Variants in RBM19 observed in about 807,000 individuals in gnomAD.
The protein encoded by RBM19 is probable RNA-binding protein 19.
RBM19 carries 94 observed loss-of-function variants against 116.8 expected under a neutral mutation model. The ratio of observed to expected loss-of-function variants is 0.80; its 90% CI spans 0.68 to 0.95. The LOEUF (loss-of-function observed/expected upper bound fraction) is 0.95. Among genes scored for constraint, RBM19 ranks in the 40% least tolerant of loss-of-function variants. RBM19 has a pLI of 0.00. For synonymous variants in RBM19, 475 were observed against 494.1 expected, an observed-to-expected ratio of 0.96 and a Z score of 0.51; for missense variants, 1,161 against 1,220.7, an observed-to-expected ratio of 0.95 and a Z score of 0.73.
intron 16 of RBM19, among the ~76,000 whole-genome samples, chr12:113,935,884 A>C (rs541371507): frequency 1.3e-5 from 2 of 152,120 alleles, no homozygotes; most frequent in Non-Finnish European, 2.9e-5. Flanking sequence ...AAATACAAAA[A>C]AATTAGCCAG....
At chr12:113,939,905 A>G in intron 15 of RBM19, 55 bp downstream of exon 15, 1 of 1,581,254 alleles carries the variant, frequency 6.3e-7, no homozygotes. Context: ...CTCTCCCTTG[A>G]AGCAGCCCTC....
chr12:113,840,069 A>T (rs1042358998), intron 23 of RBM19, among the ~76,000 whole-genome samples: 7 of 151,432 alleles, frequency 4.6e-5, no homozygotes, highest in African/African-American at 1.7e-4. Context: ...TGCAATTACC[A>T]GGCGTTCCCA....
rs57704604 is a variant in RBM19, at chr12:113,861,474, CTGTGTGTGTG to C, written c.2559-2588_2559-2579del. ...GCCCAGATTTCTGGTAAGCCAGACT[CTGTGTGTGTG>C]TGTGTGTGTGTGTGTGTGTGTGTGT... On this transcript the variant is annotated intron_variant, in intron 21 of 23. Transcript: ENST00000261741. 3.7e-3 allele frequency among the ~76,000 whole-genome samples: 474 copies of C among 126,502 alleles called. 4 individuals are homozygous for C. Among genetic ancestry groups the C allele is most frequent in the Middle Eastern group, 8.1e-3 (2 of 248 alleles). The allele number at this position is 126,502 out of a possible 152,430, so 83.0% of individuals were successfully genotyped here.
intron 10 of RBM19, among the ~76,000 whole-genome samples, chr12:113,948,456 T>C (rs1489768004): frequency 6.6e-6 from 1 of 152,182 alleles, no homozygotes; most frequent in Non-Finnish European, 1.5e-5. Flanking sequence ...CGTGTAGGTA[T>C]ATTCATCAGG....
intron 16 of RBM19, among the ~76,000 whole-genome samples, chr12:113,928,975 C>T (rs930282393): frequency 6.6e-6 from 1 of 152,074 alleles, no homozygotes; most frequent in Non-Finnish European, 1.5e-5. Flanking sequence ...TGTGCCTTCA[C>T]ACCCCTCACC....
chr12:113,946,042 T>C (rs1870991729), intron 12 of RBM19, 118 bp from the exon 13 acceptor site: 1 of 962,194 alleles, frequency 1.0e-6, no homozygotes, highest in Non-Finnish European at 1.6e-6. Flanking sequence ...ATGCCCCCAA[T>C]TTCCCTATCA....
chr12:113,927,236 C>A lies in RBM19; in HGVS notation c.2069-7G>T, dbSNP rs1483650994. The A allele has an allele frequency of 6.5e-7, 1 of 1,547,830 alleles. No homozygotes were observed. The highest frequency in any genetic ancestry group is 1.2e-5 in the South Asian group (1 of 83,272). ...GGGGTTTCGCCATCAGGCACTGAAC[C>A]CCCATCAAAACAAAAACAAAAACAA... On this transcript the variant is annotated splice_polypyrimidine_tract_variant and splice_region_variant and intron_variant, in intron 16 of 23. Transcript: ENST00000261741.
intron 22 of RBM19, among the ~76,000 whole-genome samples, chr12:113,856,820 A>G (rs1490058822): frequency 2.0e-5 from 3 of 152,184 alleles, no homozygotes; most frequent in African/African-American, 7.2e-5. Context: ...GCCCTGTTCT[A>G]AATTATCACC....
intron 21 of RBM19, among the ~76,000 whole-genome samples, chr12:113,860,202 G>A (rs1199377474): frequency 6.6e-6 from 1 of 152,232 alleles, no homozygotes; most frequent in Non-Finnish European, 1.5e-5. Context: ...CGTGGGGAGT[G>A]GAGCCCGGTC....
intron 21 of RBM19, among the ~76,000 whole-genome samples, chr12:113,873,025 C>T (rs1593515618): frequency 2.4e-5 from 3 of 122,672 alleles, no homozygotes; most frequent in African/African-American, 8.7e-5. Flanking sequence ...AGCCCCTCTG[C>T]CCGGCCAGCC....
Position 113,966,309 on chromosome 12 carries a change from G to A in RBM19, c.-82C>T. 3.8e-6 allele frequency: 6 copies of A among 1,572,476 alleles called. No individual in the cohort carries two copies. Among genetic ancestry groups the A allele is most frequent in the South Asian group, 1.1e-5 (1 of 89,956 alleles). ...GTTTCACGCTACCGCCCTGGGCGCCGCCATCTTTACCGAGCCGGAACACAG... is the reference window on the plus strand; with the variant it reads ...GTTTCACGCTACCGCCCTGGGCGCCACCATCTTTACCGAGCCGGAACACAG... On this transcript the variant is annotated 5_prime_UTR_variant, in exon 1 of 24. Transcript: ENST00000261741.
intron 15 of RBM19, among the ~76,000 whole-genome samples, chr12:113,938,442 A>G (rs1187258436): frequency 9.0e-6 from 1 of 111,508 alleles, no homozygotes; most frequent in Non-Finnish European, 1.8e-5. Context: ...GCATATGAAT[A>G]CCTATCTCTA....
chr12:113,877,591 C>G (rs1380952300), intron 21 of RBM19, among the ~76,000 whole-genome samples: 2 of 152,230 alleles, frequency 1.3e-5, no homozygotes, highest in Admixed American at 1.3e-4. Flanking sequence ...TGCAATGCAT[C>G]TAGTCCCTCC....
chr12:113,881,359 A>C (rs1880113390), intron 21 of RBM19, among the ~76,000 whole-genome samples: 1 of 152,180 alleles, frequency 6.6e-6, no homozygotes, highest in South Asian at 2.1e-4. Context: ...TCCACCTCCA[A>C]AAAATAATCT....
chr12:113,903,231 G>A lies in RBM19; in HGVS notation c.2558+11738C>T, dbSNP rs1442267958. On this transcript the variant is annotated intron_variant, in intron 21 of 23. Coordinates refer to ENST00000261741, the MANE Select transcript of RBM19 (RefSeq NM_016196.4). This position sits in a 1 kb window ranked among gnomAD's most constrained non-coding sequence, Gnocchi z 5.1. ...TTTCGATCTGTGGTTGGTGGAATCT[G>A]TGGGTGCAGAATCTGTGGATGTGGA... Among the ~76,000 whole-genome samples the A allele has an allele frequency of 1.3e-5, 2 of 152,208 alleles. No individual in the cohort carries two copies. Among genetic ancestry groups the A allele is most frequent in the African/African-American group, 2.4e-5 (1 of 41,448 alleles).
rs1871250473 is a variant in RBM19 at position 113,948,838 on chromosome 12, T to C, written c.1271A>G (p.Lys424Arg). Residue 424 changes from lysine to arginine, a missense_variant, in exon 10 of 24, where the codon AAA becomes AGA. Transcript: ENST00000261741. ...TEEDLEKLFSKYGPLSELHYP... is the reference protein window; with the variant it reads ...TEEDLEKLFSRYGPLSELHYP... The stretch of plus-strand genomic sequence containing the variant: ...CCCGGAGGCCACACCCCTACCATAT[T>C]TGGAGAAGAGCTTCTCCAGATCCTC... 6.2e-7 allele frequency: 1 copy of C among 1,614,002 alleles called. No individual in the cohort carries two copies. The highest frequency in any genetic ancestry group is 1.7e-5 in the Admixed American group (1 of 60,000).
At chr12:113,842,051 T>G (rs1289861599) in intron 23 of RBM19, among the ~76,000 whole-genome samples, 1 of 152,202 alleles carries the variant, frequency 6.6e-6, no homozygotes, top group Non-Finnish European at 1.5e-5. Flanking sequence ...AATGGGAAGA[T>G]GTAGGCAAAT....
At chr12:113,932,407 A>G (rs969601985) in intron 16 of RBM19, among the ~76,000 whole-genome samples, 6 of 152,292 alleles carry the variant, frequency 3.9e-5, no homozygotes, top group Non-Finnish European at 8.8e-5. Flanking sequence ...AATCCAGGGG[A>G]AAATGTTGGA....
intron 18 of RBM19, among the ~76,000 whole-genome samples, chr12:113,921,110 A>C (rs937848058): frequency 6.6e-6 from 1 of 152,226 alleles, no homozygotes; most frequent in African/African-American, 2.4e-5. Context: ...TGCTCTTCAC[A>C]AATATTTCTC....
Sources: allele counts gnomAD v4.1 joint callset (sites outside exome capture counted in the v4.1 genomes callset), GRCh38; gene constraint gnomAD v4.1.1; non-coding constraint Gnocchi (gnomAD v3.1); transcripts MANE v1.5; gene names NCBI Gene and HGNC (gene_info 2026-07-23, HGNC 2026-07-21).